Variants in PDE4D observed in about 807,000 individuals in gnomAD.
PDE4D encodes phosphodiesterase 4D.
Under a neutral mutation model 87.4 loss-of-function variants are expected in PDE4D, and 24 were observed. The observed-to-expected ratio is 0.27, with a 90% CI of 0.20 to 0.39. The LOEUF (loss-of-function observed/expected upper bound fraction) is 0.39, where lower values mean the gene tolerates loss of function less well. Among genes scored for constraint, PDE4D ranks in the 10% least tolerant of loss-of-function variants. The pLI, the probability that PDE4D is intolerant of heterozygous loss-of-function variation, is 1.00. For synonymous variants in PDE4D, 384 were observed against 383.2 expected, an observed-to-expected ratio of 1.00 and a Z score of -0.02; for missense variants, 714 against 1,041.0, an observed-to-expected ratio of 0.69 and a Z score of 4.32.
At chr5:60,319,341 C>T (rs929824007) in intron 1 of PDE4D, among the ~76,000 whole-genome samples, 1 of 152,184 alleles carries the variant, frequency 6.6e-6, no homozygotes, top group African/African-American at 2.4e-5. Flanking sequence ...TCCATCAGGT[C>T]CTTTAAGGAC....
Position 60,189,899 on chromosome 5 carries a change from A to T in PDE4D, c.-89-4212T>A, listed in dbSNP as rs766284165. Among the ~76,000 whole-genome samples the T allele has an allele frequency of 2.1e-3, 320 of 152,342 alleles. 3 individuals are homozygous for T. The highest frequency in any genetic ancestry group is 8.4e-4 in the Non-Finnish European group (57 of 68,032). On this transcript the variant is annotated intron_variant, in intron 1 of 16. Coordinates refer to the PDE4D transcript ENST00000502484. Reference sequence around the variant, plus strand: ...GGGTACAGTTGCCTCTGAGTGATCAAGGTGTAATGGATTAGCTCTGTCTCT... The same window carrying T: ...GGGTACAGTTGCCTCTGAGTGATCATGGTGTAATGGATTAGCTCTGTCTCT...
intron 1 of PDE4D, among the ~76,000 whole-genome samples, chr5:60,434,626 T>A (rs2150121807): frequency 6.6e-6 from 1 of 152,306 alleles, no homozygotes; most frequent in Admixed American, 6.5e-5. Flanking sequence ...AAATACAATT[T>A]GTAATTCAGA....
chr5:59,523,924 G>A lies in PDE4D; in HGVS notation c.456-307956C>T, dbSNP rs368790095. Among the ~76,000 whole-genome samples the A allele has an allele frequency of 2.6e-5, 4 of 152,256 alleles. 1 individual carries two copies. The highest frequency in any genetic ancestry group is 2.4e-5 in the African/African-American group (1 of 41,546). ...CCTGCTGCCATGTGAAGAAGAACAT[G>A]TTTGCTTCCCCTTCCACCATGTTTG... On this transcript the variant is annotated intron_variant, in intron 1 of 14. Coordinates refer to ENST00000340635, the MANE Select transcript of PDE4D (RefSeq NM_001104631.2).
intron 1 of PDE4D, among the ~76,000 whole-genome samples, chr5:60,192,420 C>T (rs1217926450): frequency 6.6e-6 from 1 of 152,010 alleles, no homozygotes; most frequent in Non-Finnish European, 1.5e-5. Flanking sequence ...ACTTTTATAT[C>T]ATAATTCAGG....
At chr5:59,710,869 C>A (rs298097) in intron 1 of PDE4D, among the ~76,000 whole-genome samples, 48,870 of 151,938 alleles carry the variant, frequency 0.32, 9,798 homozygotes, top group East Asian at 0.65. Context: ...ACCAGGCATA[C>A]GGTAGGAATT....
intron 3 of PDE4D, among the ~76,000 whole-genome samples, chr5:59,960,666 CA>C (rs1759367711): frequency 6.6e-6 from 1 of 151,996 alleles, no homozygotes; most frequent in Non-Finnish European, 1.5e-5. Flanking sequence ...TGCATACACA[CA>C]TACATAACGA....
At chr5:59,263,805 A>G (rs1762411347) in intron 1 of PDE4D, among the ~76,000 whole-genome samples, 1 of 151,954 alleles carries the variant, frequency 6.6e-6, no homozygotes. Flanking sequence ...CAAAATCAGG[A>G]TCACTATTAT....
At chr5:60,191,683 C>T (rs934142487) in intron 1 of PDE4D, among the ~76,000 whole-genome samples, 2 of 152,166 alleles carry the variant, frequency 1.3e-5, no homozygotes, top group African/African-American at 4.8e-5. Context: ...CTCTTCCATA[C>T]TGCAAGTTGT....
chr5:59,791,113 A>AT (rs1422509247), intron 1 of PDE4D, among the ~76,000 whole-genome samples: 12 of 152,240 alleles, frequency 7.9e-5, no homozygotes, highest in African/African-American at 2.9e-4. Context: ...CTGCCATGGC[A>AT]TTTTATATTC....
intron 2 of PDE4D, among the ~76,000 whole-genome samples, chr5:60,073,098 A>G (rs1442016618): frequency 6.6e-6 from 1 of 152,082 alleles, no homozygotes; most frequent in Non-Finnish European, 1.5e-5. Flanking sequence ...CTGGTTTTCA[A>G]GTGGAATGCT....
At chr5:60,101,601 A>C (rs2149332084) in intron 2 of PDE4D, among the ~76,000 whole-genome samples, 1 of 152,240 alleles carries the variant, frequency 6.6e-6, no homozygotes, top group African/African-American at 2.4e-5. Flanking sequence ...GAAGCTAACA[A>C]GTTTTTCAAT....
intron 1 of PDE4D, among the ~76,000 whole-genome samples, chr5:60,374,565 C>T (rs1583563770): frequency 6.6e-6 from 1 of 152,164 alleles, no homozygotes; most frequent in East Asian, 1.9e-4. Flanking sequence ...CTCTATTCAA[C>T]AGTGCTTTCA....
chr5:59,996,777 A>G (rs1277441878), intron 2 of PDE4D, among the ~76,000 whole-genome samples: 1 of 152,222 alleles, frequency 6.6e-6, no homozygotes, highest in Non-Finnish European at 1.5e-5. Context: ...CAATTTTCAA[A>G]TGGATATTTG....
At chr5:60,096,917 C>A (rs1450851311) in intron 2 of PDE4D, among the ~76,000 whole-genome samples, 2 of 152,036 alleles carry the variant, frequency 1.3e-5, no homozygotes, top group Non-Finnish European at 2.9e-5. Flanking sequence ...TCTTTCTTTT[C>A]AGAGTAACAG....
At chr5:59,110,349 G>A (rs1042900101) in intron 5 of PDE4D, among the ~76,000 whole-genome samples, 3 of 152,130 alleles carry the variant, frequency 2.0e-5, no homozygotes, top group African/African-American at 7.2e-5. Context: ...GGACCTGTCT[G>A]GGTAACCAAC....
intron 1 of PDE4D, among the ~76,000 whole-genome samples, chr5:60,434,114 T>C (rs1017155587): frequency 6.6e-6 from 1 of 152,188 alleles, no homozygotes; most frequent in African/African-American, 2.4e-5. Flanking sequence ...CTCTCTTTGA[T>C]TGACATGATC....
chr5:59,366,504 T>C (rs1783083208), intron 1 of PDE4D, among the ~76,000 whole-genome samples: 1 of 152,158 alleles, frequency 6.6e-6, no homozygotes, highest in Non-Finnish European at 1.5e-5. Flanking sequence ...TAATATGTTT[T>C]TGGGATTCTC....
At chr5:60,387,769 T>C (rs1042636294) in intron 1 of PDE4D, among the ~76,000 whole-genome samples, 1 of 152,010 alleles carries the variant, frequency 6.6e-6, no homozygotes, top group African/African-American at 2.4e-5. Flanking sequence ...AAGTGTGGAG[T>C]TTTGCCCCCA....
intron 12 of PDE4D, 141 bp from the exon 13 acceptor site, chr5:58,976,613 G>C (rs1392192788): frequency 1.2e-5 from 8 of 676,614 alleles, no homozygotes; most frequent in Non-Finnish European, 2.0e-5. Flanking sequence ...TACTCCTTGG[G>C]GGCAGAGTCT....
Sources: gnomAD v4.1 joint callset for allele counts (sites outside exome capture counted in the v4.1 genomes callset) on GRCh38, gnomAD v4.1.1 for gene constraint, MANE v1.5 for transcripts, NCBI Gene and HGNC (gene_info 2026-07-23, HGNC 2026-07-21) for gene names.